Variants in SRGAP1 observed in about 807,000 individuals in gnomAD.
SRGAP1 encodes the protein SLIT-ROBO Rho GTPase activating protein 1.
A neutral mutation model predicts 121.9 loss-of-function variants in SRGAP1; 43 were observed. That is an observed-to-expected ratio of 0.35 (90% CI 0.28 to 0.46). The LOEUF (loss-of-function observed/expected upper bound fraction) is 0.46, where lower values mean the gene tolerates loss of function less well. Among genes scored for constraint, SRGAP1 ranks in the 20% least tolerant of loss-of-function variants. SRGAP1 has a pLI of 1.00. For synonymous variants in SRGAP1, 447 were observed against 485.4 expected (o/e 0.92, Z 1.04); for missense variants, 1,102 against 1,350.9 (o/e 0.82, Z 2.89).
intron 1 of SRGAP1, among the ~76,000 whole-genome samples, chr12:63,913,058 C>T (rs778640851): frequency 3.3e-5 from 5 of 151,950 alleles, no homozygotes; most frequent in Non-Finnish European, 7.4e-5. Context: ...AGGCCCTCCT[C>T]GATCTGCCTC....
intron 1 of SRGAP1, among the ~76,000 whole-genome samples, chr12:63,929,102 T>G (rs74099371): frequency 0.014 from 2,090 of 152,248 alleles, 49 homozygotes; most frequent in African/African-American, 0.047. Flanking sequence ...GTGTACACAA[T>G]TGTCAAATCT....
At chr12:63,973,085 TTACAGTGAGCCAAGA>T (rs2033002907) in intron 1 of SRGAP1, among the ~76,000 whole-genome samples, 1 of 151,972 alleles carries the variant, frequency 6.6e-6, no homozygotes, top group Non-Finnish European at 1.5e-5. Context: ...GAGGCGGAGG[TTACAGTGAGCCAAGA>T]TCGCGCTACT....
intron 15 of SRGAP1, chr12:64,097,620 T>C (rs770468869): frequency 8.1e-5 from 29 of 358,522 alleles, no homozygotes; most frequent in Non-Finnish European, 1.1e-4. Flanking sequence ...AGCTTCCCAC[T>C]CATGGCTGGA....
intron 6 of SRGAP1, among the ~76,000 whole-genome samples, chr12:64,051,013 T>C (rs1399587306): frequency 6.6e-6 from 1 of 152,152 alleles, no homozygotes; most frequent in Non-Finnish European, 1.5e-5. Context: ...CTTGAGCCAC[T>C]GTGCCCAGCC....
At chr12:63,872,096 G>A (rs897504961) in intron 1 of SRGAP1, 12 of 643,170 alleles carry the variant, frequency 1.9e-5, no homozygotes, top group East Asian at 1.3e-4. Flanking sequence ...AACAGTGTCC[G>A]AGACCCTTGC....
At chr12:63,871,388 A>G (rs1489304536) in intron 1 of SRGAP1, among the ~76,000 whole-genome samples, 2 of 152,218 alleles carry the variant, frequency 1.3e-5, no homozygotes, top group Non-Finnish European at 2.9e-5. Context: ...TGGGAGCCTG[A>G]TGAGCCCTTG....
chr12:63,918,997 TGTTA>T (rs112719020), intron 1 of SRGAP1, among the ~76,000 whole-genome samples: 43,164 of 151,726 alleles, frequency 0.28, 6,449 homozygotes, highest in East Asian at 0.57. Flanking sequence ...AGAAGAGGTA[TGTTA>T]GTTATTTCGT....
At chr12:63,969,205 T>G (rs1191536364) in intron 1 of SRGAP1, among the ~76,000 whole-genome samples, 1 of 152,100 alleles carries the variant, frequency 6.6e-6, no homozygotes, top group Non-Finnish European at 1.5e-5. Context: ...AGAATTTCTG[T>G]TTGGTGTCAG....
rs1343668824 is a variant in SRGAP1, at chr12:63,844,794, A to G, written c.-23A>G. The G allele has an allele frequency of 6.2e-7, 1 of 1,613,934 alleles. No homozygotes were observed. Among genetic ancestry groups the G allele is most frequent in the Admixed American group, 1.7e-5 (1 of 60,006 alleles). On this transcript the variant is annotated 5_prime_UTR_variant, in exon 1 of 22. Transcript: ENST00000355086. This position sits in a 1 kb window ranked among gnomAD's most constrained non-coding sequence, Gnocchi z 4.3. ...CACTGAACAAAACTTGCCCATTGAAAGCAAACCCGGAACAGCTGGATAATG... is the reference window on the plus strand; with the variant it reads ...CACTGAACAAAACTTGCCCATTGAAGGCAAACCCGGAACAGCTGGATAATG...
chr12:63,903,411 C>A (rs530425235), intron 1 of SRGAP1, among the ~76,000 whole-genome samples: 5 of 151,790 alleles, frequency 3.3e-5, no homozygotes, highest in African/African-American at 1.2e-4. Context: ...AAATACAATA[C>A]GTTTTTGTAT....
In SRGAP1 at chr12:64,151,726, C is replaced by G. The variant is rs2037121577; in HGVS notation, c.*9054C>G. ...AGCAGTTTGTTAATGTGCACACCCA[C>G]ATTTCCAGAGTACAAATCTCTATTT... On this transcript the variant is annotated 3_prime_UTR_variant, in exon 22 of 22. Coordinates refer to ENST00000355086, the MANE Select transcript of SRGAP1 (RefSeq NM_020762.4). The G allele has an allele frequency of 6.6e-6, 1 of 152,190 alleles. No homozygotes were observed. Among genetic ancestry groups the G allele is most frequent in the African/African-American group, 2.4e-5 (1 of 41,450 alleles). The allele number at this position is 152,190 out of a possible 1,614,324, so 9.4% of individuals were successfully genotyped here.
At chr12:63,973,079 C>T (rs888580789) in intron 1 of SRGAP1, among the ~76,000 whole-genome samples, 3 of 152,172 alleles carry the variant, frequency 2.0e-5, no homozygotes, top group Middle Eastern at 3.4e-3. Context: ...ACCCGGGAGG[C>T]GGAGGTTACA....
In SRGAP1 at chr12:64,150,040, A is replaced by ACTT. The variant is rs1369842207; in HGVS notation, c.*7369_*7371dup. On this transcript the variant is annotated 3_prime_UTR_variant, in exon 22 of 22. Coordinates refer to ENST00000355086, the MANE Select transcript of SRGAP1 (RefSeq NM_020762.4). The stretch of plus-strand genomic sequence containing the variant: ...TCTGTTTCTACATAGTAAATAGAAA[A>ACTT]CTTGCCTTCTATAATAAAAACAAAA... 2 of 152,148 alleles carry ACTT rather than the reference A, an allele frequency of 1.3e-5. No individual in the cohort carries two copies. Among genetic ancestry groups the ACTT allele is most frequent in the Non-Finnish European group, 2.9e-5 (2 of 68,032 alleles). 9.4% of individuals were successfully genotyped at this position (152,148 alleles called of 1,614,324 possible).
chr12:63,945,149 A>G (rs993819737), intron 1 of SRGAP1, among the ~76,000 whole-genome samples: 1 of 152,126 alleles, frequency 6.6e-6, no homozygotes, highest in African/African-American at 2.4e-5. Flanking sequence ...GACAGACAGC[A>G]GAAATCTGGA....
chr12:64,013,676 G>A (rs79851519), intron 3 of SRGAP1, among the ~76,000 whole-genome samples: 259 of 152,252 alleles, frequency 1.7e-3, no homozygotes, highest in African/African-American at 6.0e-3. Context: ...ACCTTATTAT[G>A]GGGACTTGAG....
At chr12:64,028,812 T>G (rs914942001) in intron 4 of SRGAP1, among the ~76,000 whole-genome samples, 5 of 152,172 alleles carry the variant, frequency 3.3e-5, no homozygotes, top group Non-Finnish European at 1.5e-5. Flanking sequence ...GATTTCAACA[T>G]ATGACGTTGT....
rs1323891270 is a variant in SRGAP1 at position 64,042,858 on chromosome 12, A to G, written c.558A>G (p.Glu186=). The G allele has an allele frequency of 1.2e-6, 2 of 1,613,848 alleles. No homozygotes were observed. The highest frequency in any genetic ancestry group is 2.7e-5 in the African/African-American group (2 of 74,952). The change falls in exon 5 of 22, where the codon GAA becomes GAG. Residue 186 remains glutamate (E), a synonymous_variant. Transcript: ENST00000355086. ...ISAESKLKEA[E]KQEEKQIGRS... ...CAGAGAGCAAGCTGAAAGAGGCCGA[A>G]AAACAAGAGGAAAAGCAAATTGGGA...
At chr12:63,854,682 A>G (rs940275911) in intron 1 of SRGAP1, among the ~76,000 whole-genome samples, 3 of 152,232 alleles carry the variant, frequency 2.0e-5, no homozygotes, top group South Asian at 2.1e-4. Flanking sequence ...GTATGCAACT[A>G]TAATTTCACT....
intron 15 of SRGAP1, among the ~76,000 whole-genome samples, chr12:64,100,016 A>G (rs1048787441): frequency 7.2e-5 from 11 of 152,340 alleles, no homozygotes; most frequent in Admixed American, 2.0e-4. Flanking sequence ...ACTTAATCTT[A>G]TTAAATAGCT....
Sources: allele counts gnomAD v4.1 joint callset (sites outside exome capture counted in the v4.1 genomes callset), GRCh38; gene constraint gnomAD v4.1.1; non-coding constraint Gnocchi (gnomAD v3.1); transcripts MANE v1.5; gene names NCBI Gene and HGNC (gene_info 2026-07-23, HGNC 2026-07-21).